The following PTPN2 variants were observed in gnomAD, a reference collection of about 807,000 sequenced individuals.
PTPN2 encodes tyrosine-protein phosphatase non-receptor type 2.
In PTPN2, 19 loss-of-function variants were observed where a neutral mutation model predicts 57.3. The ratio of observed to expected loss-of-function variants is 0.33; its 90% CI spans 0.23 to 0.49. The LOEUF is 0.49. PTPN2 is among the 20% of genes least tolerant of loss of function. The pLI, the probability that PTPN2 is intolerant of heterozygous loss-of-function variation, is 0.99. For missense variants in PTPN2, 358 were observed against 501.1 expected, an observed-to-expected ratio of 0.71 and a Z score of 2.73; for synonymous variants, 153 against 164.9, an observed-to-expected ratio of 0.93 and a Z score of 0.55.
intron 1 of PTPN2, among the ~76,000 whole-genome samples, chr18:12,870,321 G>GTATATATATGTATATATATACA (rs1200545354): frequency 2.4e-5 from 1 of 40,986 alleles, no homozygotes; most frequent in Admixed American, 2.3e-4. Flanking sequence ...ATATATATGT[G>GTATATATATGTATATATATACA]TATATATATG....
chr18:12,832,088 T>C (rs1394069121), intron 3 of PTPN2, among the ~76,000 whole-genome samples: 4 of 152,182 alleles, frequency 2.6e-5, no homozygotes, highest in Non-Finnish European at 4.4e-5. Context: ...CAGACCCACA[T>C]ACAACAAGGG....
intron 7 of PTPN2, among the ~76,000 whole-genome samples, chr18:12,808,367 C>T (rs1016299822): frequency 6.6e-6 from 1 of 152,000 alleles, no homozygotes; most frequent in Non-Finnish European, 1.5e-5. Context: ...AACGTTTTCA[C>T]CACAAAGAAA....
Position 12,884,173 on chromosome 18 carries a change from C to A in PTPN2, c.-32G>T. 4 of 1,552,520 alleles carry A rather than the reference C, an allele frequency of 2.6e-6. No individual in the cohort carries two copies. Among genetic ancestry groups the A allele is most frequent in the Non-Finnish European group, 3.5e-6 (4 of 1,149,856 alleles). ...GGGAGCGAGCTGGCGCGAGCAGAGC[C>A]TGCGCCGGCGGAGAGGCTCAGGCCC... On this transcript the variant is annotated 5_prime_UTR_variant, in exon 1 of 9. The change creates a new upstream start codon in the 5' untranslated region. Coordinates refer to ENST00000309660, the MANE Select transcript of PTPN2 (RefSeq NM_002828.4).
At position 12,884,098 on chromosome 18, in the gene PTPN2, T is replaced by G; in HGVS notation, c.44A>C (p.Gln15Pro). 4 of 1,585,840 alleles carry G rather than the reference T, an allele frequency of 2.5e-6. No homozygotes were observed. The highest frequency in any genetic ancestry group is 3.4e-6 in the Non-Finnish European group (4 of 1,167,708). The stretch of plus-strand genomic sequence containing the variant: ...CAAGTACAGCGGCTGCCAGCGACGC[T>G]GAGTATCCAACTCTTCGAACTCCCG... ...IEREFEELDT[Q>P]RRWQPLYLEI... Residue 15 changes from glutamine to proline, a missense_variant, in exon 1 of 9, where the codon CAG becomes CCG. Around this residue, in one of 4 missense-constraint regions of PTPN2, gnomAD observed 62 missense variants for 47.9 expected, o/e 1.29. Coordinates refer to ENST00000309660, the MANE Select transcript of PTPN2 (RefSeq NM_002828.4).
At position 12,840,985 on chromosome 18, in the gene PTPN2, T is replaced by C; in HGVS notation, c.161-4094A>G. The C allele has an allele frequency of 4.2e-6, 6 of 1,435,826 alleles. No individual in the cohort carries two copies. In the South Asian group the frequency reaches 8.8e-5, roughly 21 times the overall value. The allele number at this position is 1,435,826 out of a possible 1,614,324, so 88.9% of individuals were successfully genotyped here. On this transcript the variant is annotated intron_variant, in intron 2 of 8. Transcript: ENST00000309660. ...ATACTTTCAGCAATCATACACAATT[T>C]TTAGTCAACAAACATATTTTAACCT...
At chr18:12,842,152 T>A (rs1185749333) in intron 2 of PTPN2, among the ~76,000 whole-genome samples, 1 of 152,136 alleles carries the variant, frequency 6.6e-6, no homozygotes, top group Admixed American at 6.5e-5. Context: ...GTGATCCACC[T>A]GCCTCGGCCT....
At position 12,854,086 on chromosome 18, in the gene PTPN2, C is replaced by T. The variant is rs561875398; in HGVS notation, c.160+5078G>A. The stretch of plus-strand genomic sequence containing the variant: ...TGAAATACATTACGGAGGCTGAGCA[C>T]GGTGCCTCACACCTGTAATCCCAAC... On this transcript the variant is annotated intron_variant, in intron 2 of 8. Coordinates refer to ENST00000309660, the MANE Select transcript of PTPN2 (RefSeq NM_002828.4). Among the ~76,000 whole-genome samples the T allele has an allele frequency of 9.9e-5, 15 of 152,104 alleles. No individual in the cohort carries two copies. The South Asian group carries it at 2.9e-3, about 30-fold the overall frequency.
chr18:12,798,001 C>T (rs2041257947), intron 8 of PTPN2, among the ~76,000 whole-genome samples: 1 of 152,198 alleles, frequency 6.6e-6, no homozygotes, highest in South Asian at 2.1e-4. Flanking sequence ...GTTGGGATTA[C>T]AGGCATGAGC....
At chr18:12,836,666 C>T (rs2042876866) in intron 3 of PTPN2, 125 bp downstream of exon 3, 1 of 619,964 alleles carries the variant, frequency 1.6e-6, no homozygotes, top group Non-Finnish European at 2.8e-6. Flanking sequence ...ATTACATCGT[C>T]AGAAAAAAAC....
chr18:12,845,945 C>T (rs907679263), intron 2 of PTPN2, among the ~76,000 whole-genome samples: 2 of 152,196 alleles, frequency 1.3e-5, no homozygotes, highest in African/African-American at 4.8e-5. Context: ...GTTCTACCAA[C>T]TGTCCCAATA....
At chr18:12,849,194 C>G (rs1021643200) in intron 2 of PTPN2, among the ~76,000 whole-genome samples, 3 of 152,210 alleles carry the variant, frequency 2.0e-5, no homozygotes, top group Non-Finnish European at 4.4e-5. Flanking sequence ...TCAGCAAGGA[C>G]TTTAAATAAT....
chr18:12,874,038 G>C (rs988782358), intron 1 of PTPN2, among the ~76,000 whole-genome samples: 1 of 151,812 alleles, frequency 6.6e-6, no homozygotes, highest in African/African-American at 2.4e-5. Context: ...GAAGTGAGGA[G>C]ACCCTCCGCC....
At chr18:12,786,077 T>C (rs1041745681) in intron 9 of PTPN2, 1 of 519,732 alleles carries the variant, frequency 1.9e-6, no homozygotes, top group Non-Finnish European at 3.4e-6. Flanking sequence ...TGTGGAAGCA[T>C]CGTGACTTAT....
intron 2 of PTPN2, among the ~76,000 whole-genome samples, chr18:12,844,314 G>C (rs1257333344): frequency 6.6e-6 from 1 of 152,182 alleles, no homozygotes; most frequent in African/African-American, 2.4e-5. Context: ...TGCAAGTGCT[G>C]GGTCATATAA....
chr18:12,853,563 T>A (rs1187970146), intron 2 of PTPN2, among the ~76,000 whole-genome samples: 2 of 152,072 alleles, frequency 1.3e-5, no homozygotes, highest in Non-Finnish European at 1.5e-5. Flanking sequence ...AACCACCACC[T>A]CCACTGGATG....
At chr18:12,828,689 C>T (rs1002100637) in intron 4 of PTPN2, among the ~76,000 whole-genome samples, 3 of 152,150 alleles carry the variant, frequency 2.0e-5, no homozygotes, top group African/African-American at 7.2e-5. Context: ...GTTATCTTAA[C>T]ATATGCATAT....
chr18:12,801,475 T>C (rs1043219137), intron 8 of PTPN2, among the ~76,000 whole-genome samples: 2 of 151,942 alleles, frequency 1.3e-5, no homozygotes, highest in African/African-American at 4.8e-5. Flanking sequence ...CACCGCACTC[T>C]AGCCTGGGTG....
At chr18:12,853,232 T>G (rs1396515652) in intron 2 of PTPN2, among the ~76,000 whole-genome samples, 2 of 152,168 alleles carry the variant, frequency 1.3e-5, no homozygotes, top group Non-Finnish European at 2.9e-5. Flanking sequence ...TCACTGCAGC[T>G]TTGAATTAGT....
chr18:12,812,676 C>T (rs2041933171), intron 7 of PTPN2, among the ~76,000 whole-genome samples: 1 of 152,098 alleles, frequency 6.6e-6, no homozygotes, highest in African/African-American at 2.4e-5. Context: ...ACTTCATATG[C>T]CGATGGTCTA....
Sources: allele counts gnomAD v4.1 joint callset (sites outside exome capture counted in the v4.1 genomes callset), GRCh38; gene constraint gnomAD v4.1.1; regional missense constraint gnomAD v4.1.1; transcripts MANE v1.5; gene names NCBI Gene and HGNC (gene_info 2026-07-23, HGNC 2026-07-21).